Variants in CCDC192 observed in about 807,000 individuals in gnomAD.
CCDC192 encodes coiled-coil domain containing 192, also known as coiled-coil domain-containing protein 192.
At chr5:127,910,952 T>TA (rs528437216) in intron 6 of CCDC192, among the ~76,000 whole-genome samples, 190 of 148,624 alleles carry the variant, frequency 1.3e-3, no homozygotes, top group Non-Finnish European at 1.9e-3. Flanking sequence ...TTATTAGACA[T>TA]AAAAAAAAAA....
chr5:127,751,693 A>G (rs1007266188), intron 2 of CCDC192, among the ~76,000 whole-genome samples: 1 of 152,142 alleles, frequency 6.6e-6, no homozygotes, highest in Non-Finnish European at 1.5e-5. Context: ...TCTCCTGGAT[A>G]ATATCCTGCA....
intron 2 of CCDC192, among the ~76,000 whole-genome samples, chr5:127,709,223 GAGAGAGAGAGAGAGAGAGAGAGAGAA>G (rs1751178431): frequency 3.8e-5 from 1 of 26,080 alleles, no homozygotes; most frequent in African/African-American, 1.6e-4. Context: ...GAGAGAGAGA[GAGAGAGAGAGAGAGAGAGAGAGAGAA>G]ATGCTACACA....
At chr5:127,931,933 C>T (rs113193798) in intron 6 of CCDC192, among the ~76,000 whole-genome samples, 18 of 151,958 alleles carry the variant, frequency 1.2e-4, no homozygotes, top group African/African-American at 3.4e-4. Flanking sequence ...AGGTGGATCA[C>T]GAGGTCAGGA....
chr5:127,807,113 G>A (rs1189567910), intron 5 of CCDC192, among the ~76,000 whole-genome samples: 1 of 152,194 alleles, frequency 6.6e-6, no homozygotes, highest in Non-Finnish European at 1.5e-5. Flanking sequence ...AAGTTGTGAA[G>A]TGAGATAATT....
At chr5:127,899,824 G>A (rs1283231646) in intron 6 of CCDC192, among the ~76,000 whole-genome samples, 1 of 152,188 alleles carries the variant, frequency 6.6e-6, no homozygotes, top group Non-Finnish European at 1.5e-5. Flanking sequence ...ATGTACAGCT[G>A]TCCCATAGGA....
At chr5:127,849,732 T>A (rs1219789899) in intron 5 of CCDC192, among the ~76,000 whole-genome samples, 2 of 152,180 alleles carry the variant, frequency 1.3e-5, no homozygotes, top group Non-Finnish European at 2.9e-5. Context: ...CAGAAACAAA[T>A]CTTCAACTTC....
chr5:127,936,136 A>G (rs1376209028), intron 6 of CCDC192, among the ~76,000 whole-genome samples: 1 of 152,128 alleles, frequency 6.6e-6, no homozygotes, highest in Non-Finnish European at 1.5e-5. Context: ...AAAAATTATC[A>G]AAGAGATGTT....
At chr5:127,783,465 T>C (rs2126937895) in intron 3 of CCDC192, among the ~76,000 whole-genome samples, 1 of 152,348 alleles carries the variant, frequency 6.6e-6, no homozygotes, top group South Asian at 2.1e-4. Context: ...TCAGTTTTAT[T>C]CCACTGTGGT....
At chr5:127,811,470 G>A (rs1758078963) in intron 5 of CCDC192, among the ~76,000 whole-genome samples, 1 of 152,142 alleles carries the variant, frequency 6.6e-6, no homozygotes, top group Non-Finnish European at 1.5e-5. Context: ...AGAGGGTTGT[G>A]TACTTAGTAA....
chr5:127,936,100 G>A (rs374881586), intron 6 of CCDC192, among the ~76,000 whole-genome samples: 41 of 151,946 alleles, frequency 2.7e-4, no homozygotes, highest in South Asian at 2.5e-3. Context: ...GCGAAACTCC[G>A]TTTCAAAAAA....
intron 2 of CCDC192, among the ~76,000 whole-genome samples, chr5:127,722,920 G>T (rs1196736637): frequency 1.3e-5 from 2 of 152,112 alleles, no homozygotes; most frequent in African/African-American, 2.4e-5. Flanking sequence ...TTTTTGCTCA[G>T]GGTATCTTTG....
At chr5:127,771,617 G>A (rs984440277) in intron 3 of CCDC192, among the ~76,000 whole-genome samples, 2 of 152,208 alleles carry the variant, frequency 1.3e-5, no homozygotes, top group Admixed American at 1.3e-4. Flanking sequence ...AAGGCTTTGT[G>A]ACAGGTAGGC....
At chr5:127,869,005 C>G (rs893967307) in intron 5 of CCDC192, among the ~76,000 whole-genome samples, 1 of 152,166 alleles carries the variant, frequency 6.6e-6, no homozygotes, top group African/African-American at 2.4e-5. Flanking sequence ...ATTTATAATA[C>G]TTCTCTTTCA....
intron 5 of CCDC192, among the ~76,000 whole-genome samples, chr5:127,858,620 C>G (rs1751211509): frequency 6.6e-6 from 1 of 152,160 alleles, no homozygotes; most frequent in Non-Finnish European, 1.5e-5. Context: ...TTGCTTATCC[C>G]AGTATTCCCT....
chr5:127,797,777 ATTTATT>A (rs1192722192), intron 4 of CCDC192, among the ~76,000 whole-genome samples: 7 of 87,624 alleles, frequency 8.0e-5, no homozygotes, highest in Admixed American at 4.8e-4. Context: ...ATATATATAT[ATTTATT>A]TATTTATTTA....
At chr5:127,841,918 G>A (rs1750307862) in intron 5 of CCDC192, among the ~76,000 whole-genome samples, 1 of 152,206 alleles carries the variant, frequency 6.6e-6, no homozygotes, top group African/African-American at 2.4e-5. Context: ...AAAATCCACT[G>A]AGCAAGTGCA....
intron 6 of CCDC192, among the ~76,000 whole-genome samples, chr5:127,883,332 C>A (rs1223391006): frequency 6.6e-6 from 1 of 152,132 alleles, no homozygotes; most frequent in African/African-American, 2.4e-5. Flanking sequence ...TACATTTAGA[C>A]CAATACACAC....
intron 6 of CCDC192, among the ~76,000 whole-genome samples, chr5:127,900,838 G>A (rs1407545762): frequency 6.6e-6 from 1 of 152,110 alleles, no homozygotes; most frequent in Non-Finnish European, 1.5e-5. Flanking sequence ...TATTAAAGCA[G>A]TACTGTATAA....
chr5:127,854,588 T>C (rs1750976302), intron 5 of CCDC192, among the ~76,000 whole-genome samples: 2 of 152,190 alleles, frequency 1.3e-5, no homozygotes, highest in South Asian at 2.1e-4. Flanking sequence ...CTGGGGGTTT[T>C]GGAAAGTATC....
Sources: gnomAD v4.1 joint callset for allele counts (sites outside exome capture counted in the v4.1 genomes callset) on GRCh38, gnomAD v4.1.1 for gene constraint, MANE v1.5 for transcripts, NCBI Gene and HGNC (gene_info 2026-07-23, HGNC 2026-07-21) for gene names.